The following CCL17 variants were observed in gnomAD, a reference collection of about 807,000 sequenced individuals.
The protein encoded by CCL17 is C-C motif chemokine 17.
In CCL17, 8 loss-of-function variants were observed where a neutral mutation model predicts 7.4. The observed-to-expected ratio is 1.09, with a 90% CI of 0.64 to 1.96. The LOEUF is 1.96. CCL17 is among the 30% of genes most tolerant of loss of function. CCL17 has a pLI of 0.00. For missense variants in CCL17, 102 were observed against 113.0 expected, an observed-to-expected ratio of 0.90 and a Z score of 0.44; for synonymous variants, 40 against 46.1, an observed-to-expected ratio of 0.87 and a Z score of 0.54.
At chr16:57,401,042 C>A (rs1902584270), upstream of CCL17, among the ~76,000 whole-genome samples, 1 of 140,112 alleles carries the variant, frequency 7.1e-6, no homozygotes, top group African/African-American at 3.1e-5. Flanking sequence ...ACTCCAGACA[C>A]CCTTCTTCTT....
upstream of CCL17, among the ~76,000 whole-genome samples, chr16:57,400,561 G>A (rs563719167): frequency 6.6e-6 from 1 of 152,062 alleles, no homozygotes; most frequent in South Asian, 2.1e-4. Context: ...CAAGCTTTAA[G>A]ACCAGAAGGG....
At chr16:57,404,592 T>TAGA (rs1204084602), upstream of CCL17, among the ~76,000 whole-genome samples, 2 of 152,050 alleles carry the variant, frequency 1.3e-5, no homozygotes, top group African/African-American at 4.8e-5. Flanking sequence ...CAGCTGGACG[T>TAGA]AGAAGGAGGC....
chr16:57,415,263 C>A lies in CCL17; in HGVS notation c.188+65C>A. 1 of 1,083,094 alleles carries A rather than the reference C, an allele frequency of 9.2e-7. No homozygotes were observed. Among genetic ancestry groups the A allele is most frequent in the Non-Finnish European group, 1.4e-6 (1 of 697,840 alleles). 67.1% of individuals were successfully genotyped at this position (1,083,094 alleles called of 1,614,324 possible). Reference sequence around the variant, plus strand: ...GCATGGGGACAAGTGCACCCTGGAGCTCCCAGGACGGCCAATGGGGAGCAG... The same window carrying A: ...GCATGGGGACAAGTGCACCCTGGAGATCCCAGGACGGCCAATGGGGAGCAG... On this transcript the variant is annotated intron_variant, in intron 3 of 3. Coordinates refer to ENST00000219244, the MANE Select transcript of CCL17 (RefSeq NM_002987.3). This position sits in a 1 kb window ranked among gnomAD's most constrained non-coding sequence, Gnocchi z 4.5.
At chr16:57,411,576 T>C (rs926787356) in intron 1 of CCL17, among the ~76,000 whole-genome samples, 5 of 152,256 alleles carry the variant, frequency 3.3e-5, no homozygotes, top group Non-Finnish European at 7.3e-5. Context: ...ATTAATCAGC[T>C]GTCCCTTGCA....
the CCL17 span, among the ~76,000 whole-genome samples, chr16:57,397,180 C>T: frequency 1.1e-4 from 17 of 152,320 alleles, no homozygotes; most frequent in Admixed American, 9.2e-4. Context: ...AGGGGCCTTA[C>T]GATGGGCCAA....
intron 2 of CCL17, among the ~76,000 whole-genome samples, chr16:57,414,512 G>C (rs950350211): frequency 8.0e-6 from 1 of 125,698 alleles, no homozygotes; most frequent in African/African-American, 3.0e-5. Flanking sequence ...TCTGCCTCCC[G>C]GATTCAAGCG....
Position 57,415,056 on chromosome 16 carries a change from C to A in CCL17, c.71-25C>A. The A allele has an allele frequency of 6.6e-7, 1 of 1,517,744 alleles. No individual in the cohort carries two copies. Among genetic ancestry groups the A allele is most frequent in the Non-Finnish European group, 9.2e-7 (1 of 1,092,316 alleles). The allele number at this position is 1,517,744 out of a possible 1,614,324, so 94.0% of individuals were successfully genotyped here. A position where few individuals can be genotyped will look rare whatever the true frequency, so the allele number is the denominator to read the frequency against. On this transcript the variant is annotated intron_variant, in intron 2 of 3. Transcript: ENST00000219244. This position sits in a 1 kb window ranked among gnomAD's most constrained non-coding sequence, Gnocchi z 4.5. ...CACACACGCAGACACTCACAGACACCCCTGCCCCGCTCCTCTCCCTGCAGC... is the reference window on the plus strand; with the variant it reads ...CACACACGCAGACACTCACAGACACACCTGCCCCGCTCCTCTCCCTGCAGC...
rs555665367 is a variant in CCL17, at chr16:57,407,541, G to A, written c.-60+2705G>A. ...TCTAAGTGACCATCCATCTATCCATGCATTCATGCATGTATATATCCATTC... is the reference window on the plus strand; with the variant it reads ...TCTAAGTGACCATCCATCTATCCATACATTCATGCATGTATATATCCATTC... On this transcript the variant is annotated intron_variant, in intron 1 of 3. Transcript: ENST00000219244. Among the ~76,000 whole-genome samples, 18 of 152,102 alleles carry A rather than the reference G, an allele frequency of 1.2e-4. No individual in the cohort carries two copies. In the East Asian group the frequency reaches 2.9e-3, roughly 25 times the overall value.
chr16:57,403,519 T>A (rs1373911245), upstream of CCL17, among the ~76,000 whole-genome samples: 1 of 30,476 alleles, frequency 3.3e-5, no homozygotes, highest in Non-Finnish European at 4.8e-5. Flanking sequence ...TATTATATTA[T>A]ATATATGTTA....
Position 57,415,039 on chromosome 16 carries a change from C to A in CCL17, c.71-42C>A. 7.5e-7 allele frequency: 1 copy of A among 1,327,448 alleles called. No individual in the cohort carries two copies. Among genetic ancestry groups the A allele is most frequent in the Non-Finnish European group, 1.1e-6 (1 of 919,086 alleles). The allele number at this position is 1,327,448 out of a possible 1,614,324, so 82.2% of individuals were successfully genotyped here. ...CCCAGAGGTCCCCGCAACACACACG[C>A]AGACACTCACAGACACCCCTGCCCC... On this transcript the variant is annotated intron_variant, in intron 2 of 3. Coordinates refer to ENST00000219244, the MANE Select transcript of CCL17 (RefSeq NM_002987.3). The surrounding 1 kb of genome is among the most constrained non-coding windows in gnomAD (Gnocchi z 4.5).
chr16:57,405,698 G>A (rs1384122599), intron 1 of CCL17, among the ~76,000 whole-genome samples: 1 of 152,038 alleles, frequency 6.6e-6, no homozygotes, highest in African/African-American at 2.4e-5. Flanking sequence ...AGGTGGGTGT[G>A]TCTGATTAGT....
In CCL17 at chr16:57,415,651, C is replaced by G; in HGVS notation, c.189-114C>G. On this transcript the variant is annotated intron_variant, in intron 3 of 3. Coordinates refer to ENST00000219244, the MANE Select transcript of CCL17 (RefSeq NM_002987.3). This position sits in a 1 kb window ranked among gnomAD's most constrained non-coding sequence, Gnocchi z 4.5. Reference sequence around the variant, plus strand: ...CCAATGCCCTGTGTGACAGCAGCAACTTCCTGCCCCTCTTGGAGCCTTGGA... The same window carrying G: ...CCAATGCCCTGTGTGACAGCAGCAAGTTCCTGCCCCTCTTGGAGCCTTGGA... The G allele has an allele frequency of 1.4e-6, 1 of 697,440 alleles. No homozygotes were observed. The highest frequency in any genetic ancestry group is 3.9e-4 in the Middle Eastern group (1 of 2,588). 43.2% of individuals were successfully genotyped at this position (697,440 alleles called of 1,614,324 possible).
At chr16:57,397,244 G>A in the CCL17 span, among the ~76,000 whole-genome samples, 79 of 152,314 alleles carry the variant, frequency 5.2e-4, no homozygotes, top group African/African-American at 1.5e-3. Context: ...CGGATGGTCC[G>A]GAGGAGATTT....
upstream of CCL17, among the ~76,000 whole-genome samples, chr16:57,403,650 T>A (rs1483800514): frequency 3.3e-5 from 3 of 90,924 alleles, no homozygotes; most frequent in Non-Finnish European, 6.1e-5. Flanking sequence ...TAAATATATA[T>A]AATATATATA....
At chr16:57,403,482 ATAATAATATATATATTAT>A (rs1902636883), upstream of CCL17, among the ~76,000 whole-genome samples, 2 of 2,008 alleles carry the variant, frequency 1.0e-3, no homozygotes, top group African/African-American at 1.8e-3. Context: ...TATATATTAT[ATAATAATATATATATTAT>A]AATATATATA....
upstream of CCL17, among the ~76,000 whole-genome samples, chr16:57,401,262 G>A (rs1261474738): frequency 3.9e-5 from 6 of 152,066 alleles, no homozygotes; most frequent in African/African-American, 9.7e-5. Context: ...GGTGGCTCAC[G>A]CCTGTAATCC....
chr16:57,404,127 C>A (rs1489252230), upstream of CCL17, among the ~76,000 whole-genome samples: 1 of 152,052 alleles, frequency 6.6e-6, no homozygotes, highest in East Asian at 1.9e-4. Context: ...ACCAGGGAAC[C>A]AGGAGATACA....
At chr16:57,413,527 C>G (rs1902818773) in intron 1 of CCL17, among the ~76,000 whole-genome samples, 1 of 152,174 alleles carries the variant, frequency 6.6e-6, no homozygotes, top group Non-Finnish European at 1.5e-5. Context: ...TCCGTCTGCC[C>G]CCTGCTCAAG....
upstream of CCL17, among the ~76,000 whole-genome samples, chr16:57,404,319 C>T (rs1902664001): frequency 6.6e-6 from 1 of 152,094 alleles, no homozygotes; most frequent in African/African-American, 2.4e-5. Flanking sequence ...GGAGAGCACC[C>T]AGAAGGCAGT....
Sources: allele counts gnomAD v4.1 joint callset (sites outside exome capture counted in the v4.1 genomes callset), GRCh38; gene constraint gnomAD v4.1.1; non-coding constraint Gnocchi (gnomAD v3.1); transcripts MANE v1.5; gene names NCBI Gene and HGNC (gene_info 2026-07-23, HGNC 2026-07-21).